The following BCKDHB variants were observed in gnomAD, a reference collection of about 807,000 sequenced individuals.
BCKDHB encodes 2-oxoisovalerate dehydrogenase subunit beta, mitochondrial.
Under a neutral mutation model 48.5 loss-of-function variants are expected in BCKDHB, and 41 were observed. That is an observed-to-expected ratio of 0.85 (90% CI 0.66 to 1.10). The LOEUF is 1.10. Ranked by LOEUF, BCKDHB falls within the 50% of genes least tolerant of loss-of-function variation. The pLI is 0.00. For missense variants in BCKDHB, 496 were observed against 494.2 expected (o/e 1.00, Z -0.03); for synonymous variants, 201 against 174.8 (o/e 1.15, Z -1.18).
chr6:80,188,030 A>G (rs1773725973), intron 6 of BCKDHB, among the ~76,000 whole-genome samples: 3 of 152,330 alleles, frequency 2.0e-5, no homozygotes, highest in South Asian at 2.1e-4. Flanking sequence ...ATGCACGTTT[A>G]TGTTCACTGC....
At chr6:80,200,676 G>A (rs1247916933) in intron 6 of BCKDHB, among the ~76,000 whole-genome samples, 2 of 151,924 alleles carry the variant, frequency 1.3e-5, no homozygotes, top group Non-Finnish European at 2.9e-5. Context: ...TCTTTATTAC[G>A]ATTTCTTTAG....
chr6:80,415,625 T>C, the BCKDHB span, among the ~76,000 whole-genome samples: 2 of 152,312 alleles, frequency 1.3e-5, no homozygotes, highest in East Asian at 3.9e-4. Flanking sequence ...TAAAGCCTAC[T>C]TGATAAGGCT....
chr6:80,143,327 C>T (rs1749767651), intron 3 of BCKDHB, among the ~76,000 whole-genome samples: 1 of 152,160 alleles, frequency 6.6e-6, no homozygotes, highest in Non-Finnish European at 1.5e-5. Context: ...CACAGCAATA[C>T]ATTCTGTGCC....
At chr6:80,421,782 A>G in the BCKDHB span, among the ~76,000 whole-genome samples, 2 of 152,234 alleles carry the variant, frequency 1.3e-5, no homozygotes, top group Non-Finnish European at 2.9e-5. Context: ...CAAAGCATTC[A>G]AGAAGTGACC....
chr6:80,419,199 G>A, the BCKDHB span, among the ~76,000 whole-genome samples: 7 of 152,222 alleles, frequency 4.6e-5, no homozygotes, highest in African/African-American at 1.7e-4. Context: ...CACCAGCAAA[G>A]TGATGTGGGG....
At chr6:80,182,971 A>G (rs1773482016) in intron 6 of BCKDHB, among the ~76,000 whole-genome samples, 1 of 152,132 alleles carries the variant, frequency 6.6e-6, no homozygotes, top group Non-Finnish European at 1.5e-5. Context: ...ATTTCTTCAC[A>G]TGTACCTTCA....
At chr6:80,374,392 A>G in the BCKDHB span, 5 of 797,166 alleles carry the variant, frequency 6.3e-6, no homozygotes, top group Admixed American at 8.6e-5. Context: ...TAACGTCGGA[A>G]TGGTACGCAC....
At chr6:80,217,913 A>G (rs987899244) in intron 8 of BCKDHB, among the ~76,000 whole-genome samples, 1 of 152,228 alleles carries the variant, frequency 6.6e-6, no homozygotes, top group African/African-American at 2.4e-5. Flanking sequence ...TATGGAGTTC[A>G]GGGCAAATGC....
At chr6:80,302,615 A>G (rs1582535179) in intron 9 of BCKDHB, among the ~76,000 whole-genome samples, 1 of 152,182 alleles carries the variant, frequency 6.6e-6, no homozygotes, top group South Asian at 2.1e-4. Context: ...CTAATAAAAC[A>G]AGCACAGTGC....
intron 9 of BCKDHB, among the ~76,000 whole-genome samples, chr6:80,303,975 A>G (rs1311744026): frequency 6.6e-6 from 1 of 152,140 alleles, no homozygotes; most frequent in African/African-American, 2.4e-5. Flanking sequence ...GAATGAAATG[A>G]AAGATTATTT....
intron 1 of BCKDHB, chr6:80,127,322 T>G (rs1741512625): frequency 4.0e-6 from 2 of 505,824 alleles, no homozygotes; most frequent in Non-Finnish European, 7.1e-6. Flanking sequence ...TGTTTTATAC[T>G]TTTACAAAAA....
intron 3 of BCKDHB, among the ~76,000 whole-genome samples, chr6:80,150,836 C>T (rs536079994): frequency 1.3e-5 from 2 of 152,196 alleles, no homozygotes; most frequent in Admixed American, 1.3e-4. Context: ...GGATTACAGG[C>T]GTGAGCCACC....
chr6:80,466,259 A>G, the BCKDHB span, among the ~76,000 whole-genome samples: 1,519 of 152,262 alleles, frequency 1.0e-2, 12 homozygotes, highest in African/African-American at 0.022. Flanking sequence ...ACTTACACAT[A>G]TATTTATGTT....
chr6:80,418,787 T>C, the BCKDHB span, among the ~76,000 whole-genome samples: 2 of 152,264 alleles, frequency 1.3e-5, no homozygotes, highest in East Asian at 3.9e-4. Context: ...GCCGCAGTGG[T>C]AGGGCAGCTG....
intron 1 of BCKDHB, among the ~76,000 whole-genome samples, chr6:80,115,659 CAG>C (rs1328754919): frequency 1.3e-5 from 2 of 148,664 alleles, no homozygotes; most frequent in African/African-American, 2.5e-5. Flanking sequence ...TTTTTTGAGA[CAG>C]AGTCTCGCTC....
intron 9 of BCKDHB, among the ~76,000 whole-genome samples, chr6:80,336,039 C>T (rs4235812): frequency 0.78 from 117,851 of 151,846 alleles, 46,098 homozygotes; most frequent in Admixed American, 0.84. Context: ...TGTCACTTCC[C>T]TGTTGTTACT....
Position 80,155,476 on chromosome 6 carries a change from T to C in BCKDHB, c.344-12202T>C, listed in dbSNP as rs915493411. Among the ~76,000 whole-genome samples the C allele has an allele frequency of 5.3e-5, 8 of 152,258 alleles. No homozygotes were observed. The East Asian group carries it at 1.5e-3, about 29-fold the overall frequency. On this transcript the variant is annotated intron_variant, in intron 3 of 9. Coordinates refer to ENST00000320393, the MANE Select transcript of BCKDHB (RefSeq NM_183050.4). Reference sequence around the variant, plus strand: ...AGCTGCCAGTTACTGGCTATTGACTTTGGGCTAACCACTTAAGTAACAATT... The same window carrying C: ...AGCTGCCAGTTACTGGCTATTGACTCTGGGCTAACCACTTAAGTAACAATT...
At chr6:80,138,591 G>A (rs1199526985) in intron 3 of BCKDHB, among the ~76,000 whole-genome samples, 3 of 151,728 alleles carry the variant, frequency 2.0e-5, no homozygotes, top group Non-Finnish European at 4.4e-5. Context: ...ATGATTTCCA[G>A]TTTCATCCAT....
intron 3 of BCKDHB, among the ~76,000 whole-genome samples, chr6:80,167,290 C>T (rs996257400): frequency 6.6e-6 from 1 of 151,020 alleles, no homozygotes; most frequent in African/African-American, 2.4e-5. Flanking sequence ...GTTTGTGTTT[C>T]CTTTCAAATA....
Sources: gnomAD v4.1 joint callset for allele counts (sites outside exome capture counted in the v4.1 genomes callset) on GRCh38, gnomAD v4.1.1 for gene constraint, MANE v1.5 for transcripts, NCBI Gene and HGNC (gene_info 2026-07-23, HGNC 2026-07-21) for gene names.